The following SESTD1 variants were observed in gnomAD, a reference collection of about 807,000 sequenced individuals.
SESTD1 encodes SEC14 and spectrin domain containing 1.
In SESTD1, 43 loss-of-function variants were observed where a neutral mutation model predicts 101.7. The ratio of observed to expected loss-of-function variants is 0.42; its 90% confidence interval spans 0.33 to 0.55. SESTD1 has a LOEUF of 0.55. SESTD1 is among the 20% of genes least tolerant of loss of function. The pLI, the probability that SESTD1 is intolerant of heterozygous loss-of-function variation, is 0.07. For missense variants in SESTD1, 647 were observed against 815.1 expected, an observed-to-expected ratio of 0.79 and a Z score of 2.51; for synonymous variants, 283 against 286.8, an observed-to-expected ratio of 0.99 and a Z score of 0.13.
At chr2:179,192,167 G>A (rs2046329002) in intron 1 of SESTD1, among the ~76,000 whole-genome samples, 1 of 152,104 alleles carries the variant, frequency 6.6e-6, no homozygotes, top group Admixed American at 6.5e-5. Context: ...AGAATCACTG[G>A]CTTAATTCTT....
rs1472193259 is a variant in SESTD1 at position 179,211,124 on chromosome 2, A to G, written c.-25-19258T>C. ...CTAACCAAGGAAGTGAAAGATCTCT[A>G]CAAGGAAAACTACAAAACACTGCTA... On this transcript the variant is annotated intron_variant, in intron 1 of 17. Transcript: ENST00000428443. Among the ~76,000 whole-genome samples the G allele has an allele frequency of 2.2e-5, 3 of 133,632 alleles. 1 individual carries two copies. Among genetic ancestry groups the G allele is most frequent in the Non-Finnish European group, 4.8e-5 (3 of 62,466 alleles). The allele number at this position is 133,632 out of a possible 152,430, so 87.7% of individuals were successfully genotyped here.
intron 3 of SESTD1, among the ~76,000 whole-genome samples, chr2:179,177,537 A>G (rs1355328146): frequency 2.6e-5 from 4 of 152,164 alleles, no homozygotes; most frequent in African/African-American, 7.2e-5. Flanking sequence ...CCCTCCAAGC[A>G]TGCACGCTAG....
intron 6 of SESTD1, among the ~76,000 whole-genome samples, chr2:179,150,357 A>G (rs2045492208): frequency 6.6e-6 from 1 of 152,194 alleles, no homozygotes; most frequent in African/African-American, 2.4e-5. Flanking sequence ...AATAAAAAAA[A>G]AAAATCAAAT....
At chr2:179,161,660 C>CA (rs760559881) in intron 5 of SESTD1, among the ~76,000 whole-genome samples, 1,856 of 77,302 alleles carry the variant, frequency 0.024, 25 homozygotes, top group African/African-American at 0.035. Flanking sequence ...GACTCCGTCT[C>CA]AAAAAAAAAA....
chr2:179,253,164 T>A (rs557285184), intron 1 of SESTD1, among the ~76,000 whole-genome samples: 1 of 152,240 alleles, frequency 6.6e-6, no homozygotes, highest in Non-Finnish European at 1.5e-5. Flanking sequence ...TTCAACACTT[T>A]TGTTTTTTAG....
In SESTD1 at chr2:179,162,020, G is replaced by A. The variant is rs888587900; in HGVS notation, c.369+10100C>T. On this transcript the variant is annotated intron_variant, in intron 5 of 17. Transcript: ENST00000428443. ...TTACACACTTAGTAATAATTGTCTT[G>A]AGGCAAATTTATAGGATTATCATCC... Among the ~76,000 whole-genome samples the A allele has an allele frequency of 3.3e-5, 5 of 152,066 alleles. No individual in the cohort carries two copies. In the East Asian group the frequency reaches 9.6e-4, roughly 29 times the overall value.
At chr2:179,161,782 T>C (rs2045741628) in intron 5 of SESTD1, among the ~76,000 whole-genome samples, 1 of 152,218 alleles carries the variant, frequency 6.6e-6, no homozygotes, top group African/African-American at 2.4e-5. Flanking sequence ...TTTTTGTAAT[T>C]TTCATATTTC....
intron 16 of SESTD1, among the ~76,000 whole-genome samples, chr2:179,114,328 A>G (rs1394954824): frequency 6.6e-6 from 1 of 152,176 alleles, no homozygotes; most frequent in Non-Finnish European, 1.5e-5. Context: ...CCATGGATCA[A>G]GTTAGGTTTG....
intron 1 of SESTD1, among the ~76,000 whole-genome samples, chr2:179,253,153 G>A (rs561256878): frequency 1.3e-5 from 2 of 151,946 alleles, no homozygotes; most frequent in Non-Finnish European, 2.9e-5. Context: ...AAAAAGTAAG[G>A]TTCAACACTT....
At position 179,109,885 on chromosome 2, in the gene SESTD1, G is replaced by A. The variant is rs771420613; in HGVS notation, c.*14C>T. ...GGGATTATGAACTGCAAATCTGTAG[G>A]TAGCTGGTAGCTATTAGCTCTCTGT... On this transcript the variant is annotated 3_prime_UTR_variant, in exon 18 of 18. Transcript: ENST00000428443. 2 of 1,612,816 alleles carry A rather than the reference G, an allele frequency of 1.2e-6. No individual in the cohort carries two copies. Among genetic ancestry groups the A allele is most frequent in the African/African-American group, 2.7e-5 (2 of 74,842 alleles).
At chr2:179,198,208 A>G (rs1414903286) in intron 1 of SESTD1, among the ~76,000 whole-genome samples, 2 of 151,994 alleles carry the variant, frequency 1.3e-5, no homozygotes, top group African/African-American at 4.8e-5. Context: ...CAAAAGAGAC[A>G]AGGCCATTAC....
chr2:179,112,897 G>A (rs1248727499), intron 16 of SESTD1, 52 bp from the exon 17 acceptor site: 12 of 1,551,174 alleles, frequency 7.7e-6, no homozygotes, highest in Non-Finnish European at 9.5e-6. Flanking sequence ...CAGGTCTGCA[G>A]TTTCAGAGGA....
At chr2:179,221,424 C>T (rs952617399) in intron 1 of SESTD1, among the ~76,000 whole-genome samples, 1 of 151,606 alleles carries the variant, frequency 6.6e-6, no homozygotes, top group African/African-American at 2.4e-5. Context: ...ACCAGCCTGG[C>T]CAACATAGTG....
chr2:179,216,049 T>C lies in SESTD1; in HGVS notation c.-25-24183A>G, dbSNP rs1367947927. On this transcript the variant is annotated intron_variant, in intron 1 of 17. Coordinates refer to ENST00000428443, the MANE Select transcript of SESTD1 (RefSeq NM_178123.5). ...AATATCATAGTGAATGGGCAAAAAC[T>C]GGAAGCATCCCCTTTGAAAACCTGC... Among the ~76,000 whole-genome samples the C allele has an allele frequency of 8.2e-5, 11 of 134,940 alleles. 3 individuals are homozygous for C. Among genetic ancestry groups the C allele is most frequent in the African/African-American group, 3.2e-4 (11 of 34,076 alleles). 88.5% of individuals were successfully genotyped at this position (134,940 alleles called of 152,430 possible).
intron 2 of SESTD1, among the ~76,000 whole-genome samples, chr2:179,188,256 T>C (rs919227374): frequency 3.9e-5 from 6 of 152,080 alleles, no homozygotes; most frequent in African/African-American, 1.4e-4. Flanking sequence ...GTAACAGAAA[T>C]AGAAATCAAT....
At chr2:179,253,255 GA>G (rs2047344736) in intron 1 of SESTD1, among the ~76,000 whole-genome samples, 4 of 152,044 alleles carry the variant, frequency 2.6e-5, no homozygotes. Context: ...ACACCTCTGA[GA>G]AACTGTCAGA....
chr2:179,132,147 G>T, intron 10 of SESTD1, 157 bp downstream of exon 10: 1 of 760,102 alleles, frequency 1.3e-6, no homozygotes, highest in Non-Finnish European at 1.9e-6. Flanking sequence ...CATGTACTAA[G>T]TAATCAAAAT....
chr2:179,149,970 G>A (rs556885402), intron 6 of SESTD1, among the ~76,000 whole-genome samples: 3 of 152,216 alleles, frequency 2.0e-5, no homozygotes, highest in Non-Finnish European at 2.9e-5. Context: ...GCTCATGCCT[G>A]TAATCCCAGC....
At chr2:179,202,744 A>T (rs1054845055) in intron 1 of SESTD1, among the ~76,000 whole-genome samples, 1 of 135,112 alleles carries the variant, frequency 7.4e-6, no homozygotes, top group Non-Finnish European at 1.6e-5. Flanking sequence ...CTGTGAATGG[A>T]ATCATTCTCT....
Sources: allele counts gnomAD v4.1 joint callset (sites outside exome capture counted in the v4.1 genomes callset), GRCh38; gene constraint gnomAD v4.1.1; transcripts MANE v1.5; gene names NCBI Gene and HGNC (gene_info 2026-07-23, HGNC 2026-07-21).